Variants in ZNFX1 observed in about 807,000 individuals in gnomAD.
ZNFX1 encodes the protein zinc finger NFX1-type containing 1.
Under a neutral mutation model 179.8 loss-of-function variants are expected in ZNFX1, and 78 were observed. The ratio of observed to expected loss-of-function variants is 0.43; its 90% CI spans 0.36 to 0.52. The LOEUF is 0.52. Among genes scored for constraint, ZNFX1 ranks in the 20% least tolerant of loss-of-function variants. ZNFX1 has a pLI of 0.00. For synonymous variants in ZNFX1, 848 were observed against 868.5 expected (o/e 0.98, Z 0.42); for missense variants, 1,927 against 2,386.6 (o/e 0.81, Z 4.01).
intron 3 of ZNFX1, 55 bp downstream of exon 3, chr20:49,269,887 T>A: frequency 6.6e-7 from 1 of 1,520,564 alleles, no homozygotes; most frequent in Admixed American, 2.2e-5. Flanking sequence ...GAAGGCTCCG[T>A]CCCTTGCTTA....
intron 4 of ZNFX1, among the ~76,000 whole-genome samples, chr20:49,265,546 A>G (rs1169949992): frequency 6.6e-6 from 1 of 152,184 alleles, no homozygotes; most frequent in Non-Finnish European, 1.5e-5. Flanking sequence ...ATAAAGATTT[A>G]TCTAGGTGAA....
At position 49,257,733 on chromosome 20, in the gene ZNFX1, G is replaced by C. The variant is rs187795919; in HGVS notation, c.2417-69C>G. 2,717 of 1,483,444 alleles carry C rather than the reference G, an allele frequency of 1.8e-3. 47 individuals carry two copies. In the African/African-American group the frequency reaches 0.038, roughly 20 times the overall value. The allele number at this position is 1,483,444 out of a possible 1,614,324, so 91.9% of individuals were successfully genotyped here. On this transcript the variant is annotated intron_variant, in intron 7 of 13. Transcript: ENST00000396105. Reference sequence around the variant, plus strand: ...TTTTTTTTTTTTGATATGGAATCTCGCTCTTTTGCCCAGGGTGGAGTGCGG... The same window carrying C: ...TTTTTTTTTTTTGATATGGAATCTCCCTCTTTTGCCCAGGGTGGAGTGCGG...
chr20:49,257,552 C>A lies in ZNFX1; in HGVS notation c.2529G>T (p.Val843=). The A allele has an allele frequency of 6.2e-7, 1 of 1,613,970 alleles. No individual in the cohort carries two copies. Among genetic ancestry groups the A allele is most frequent in the Non-Finnish European group, 8.5e-7 (1 of 1,180,002 alleles). The change falls in exon 8 of 14, where the codon GTG becomes GTT. Residue 843 remains valine, a synonymous_variant. Coordinates refer to ENST00000396105, the MANE Select transcript of ZNFX1 (RefSeq NM_021035.3). ...CCTTCTTCCGCCGCTGGGGCCTCAC[C>A]ACCTCTTCCTCCTCAATCACCCGGT... ...QADRVIEEEE[V]VRPQRRKKEE...
chr20:49,268,852 A>G (rs905511197), intron 3 of ZNFX1, among the ~76,000 whole-genome samples: 1 of 152,238 alleles, frequency 6.6e-6, no homozygotes, highest in African/African-American at 2.4e-5. Flanking sequence ...AAGTCAAAAA[A>G]TAACAGATGC....
At position 49,248,419 on chromosome 20, in the gene ZNFX1, T is replaced by TG. The variant is rs1980735944; in HGVS notation, c.4604dup (p.Cys1536MetfsTer7). 2 of 1,607,860 alleles carry TG rather than the reference T, an allele frequency of 1.2e-6. No homozygotes were observed. Among genetic ancestry groups the TG allele is most frequent in the African/African-American group, 2.7e-5 (2 of 74,564 alleles). ...GCAGCTTAGTACAAGGCACATAGCA[T>TG]GGGGGTCGGTTGCAGGGCTCAGAGC... On this transcript the variant is annotated frameshift_variant, in exon 14 of 14. Transcript: ENST00000396105. LOFTEE classifies it high-confidence loss of function. The surrounding 1 kb of genome is among the most constrained non-coding windows in gnomAD (Gnocchi z 4.6).
chr20:49,264,099 G>A (rs1399921152), intron 5 of ZNFX1, among the ~76,000 whole-genome samples: 3 of 152,198 alleles, frequency 2.0e-5, no homozygotes, highest in African/African-American at 7.2e-5. Flanking sequence ...GCGGGCGCCT[G>A]TAATCCCAGC....
Position 49,247,368 on chromosome 20 carries a change from T to C in ZNFX1, c.5656A>G (p.Ser1886Gly), listed in dbSNP as rs768507675. The C allele has an allele frequency of 6.2e-7, 1 of 1,614,196 alleles. No homozygotes were observed. The highest frequency in any genetic ancestry group is 8.5e-7 in the Non-Finnish European group (1 of 1,180,026). The change falls in exon 14 of 14, where the codon AGC becomes GGC. Residue 1886 changes from serine (S) to glycine (G), a missense_variant. Physicochemically the swap from Ser to Gly is moderately conservative, Grantham distance 56. Transcript: ENST00000396105. ...TCCATTTCAGAAGCAAGCTGGTTGC[T>C]TCTTTCCAGAGTATGATTTGTGCCA... ...IGGTNHTLER[S>G]NQLASEMDGA...
intron 13 of ZNFX1, among the ~76,000 whole-genome samples, chr20:49,251,319 T>C (rs1317525022): frequency 6.6e-6 from 1 of 152,092 alleles, no homozygotes; most frequent in African/African-American, 2.4e-5. Flanking sequence ...GTTTTTGTAT[T>C]TTAGTAGAGA....
Position 49,270,076 on chromosome 20 carries a change from T to C in ZNFX1, c.1736A>G (p.His579Arg). ...EFLRNVEGLR[H>R]PRINVLDPGQ... ...AGGATCTAAGACATTAATTCTGGGA[T>C]GTCTCAAACCCTCGACATTTCTTAG... Residue 579 changes from histidine (H) to arginine (R), a missense_variant, in exon 3 of 14, where the codon CAT becomes CGT. Coordinates refer to ENST00000396105, the MANE Select transcript of ZNFX1 (RefSeq NM_021035.3). This position sits in a 1 kb window ranked among gnomAD's most constrained non-coding sequence, Gnocchi z 4.6. 1 of 1,614,266 alleles carries C rather than the reference T, an allele frequency of 6.2e-7. No individual in the cohort carries two copies. The highest frequency in any genetic ancestry group is 8.5e-7 in the Non-Finnish European group (1 of 1,180,042).
intron 4 of ZNFX1, 115 bp from the exon 5 acceptor site, chr20:49,264,979 T>G (rs748768675): frequency 1.7e-5 from 24 of 1,427,586 alleles, no homozygotes; most frequent in African/African-American, 4.2e-5. Flanking sequence ...AAACTTGTGC[T>G]TAAAGGAAAT....
chr20:49,246,971 C>T lies in ZNFX1; in HGVS notation c.*296G>A, dbSNP rs529207042. ...GCAACCTCCGCCTCCTGGGTTTAAG[C>T]GATTCTTCTGCCTCAGCCTCCCAAG... On this transcript the variant is annotated 3_prime_UTR_variant, in exon 14 of 14. Transcript: ENST00000396105. The T allele has an allele frequency of 1.8e-5, 8 of 441,320 alleles. No individual in the cohort carries two copies. Among genetic ancestry groups the T allele is most frequent in the East Asian group, 1.2e-4 (2 of 17,076 alleles). The allele number at this position is 441,320 out of a possible 1,614,324, so 27.3% of individuals were successfully genotyped here.
chr20:49,260,484 G>C lies in ZNFX1; in HGVS notation c.2395C>G (p.Pro799Ala). The C allele has an allele frequency of 6.2e-7, 1 of 1,613,006 alleles. No homozygotes were observed. The highest frequency in any genetic ancestry group is 1.1e-5 in the South Asian group (1 of 90,860). Residue 799 changes from proline to alanine, a missense_variant, in exon 7 of 14, where the codon CCA becomes GCA. Pro to Ala is a conservative substitution (Grantham distance 27). Coordinates refer to ENST00000396105, the MANE Select transcript of ZNFX1 (RefSeq NM_021035.3). ...GVGSFTQSVS[P>A]AGPENTAQAE... ...TTACCTGTATTCTCAGGTCCTGCTGGAGAAACACTTTGCGTGAAAGAACCG... is the reference window on the plus strand; with the variant it reads ...TTACCTGTATTCTCAGGTCCTGCTGCAGAAACACTTTGCGTGAAAGAACCG...
intron 7 of ZNFX1, 61 bp downstream of exon 7, chr20:49,260,402 G>T: frequency 1.7e-6 from 2 of 1,153,212 alleles, no homozygotes; most frequent in Non-Finnish European, 2.5e-6. Context: ...AAGTCTCACT[G>T]TTCTGGTATT....
In ZNFX1 at chr20:49,249,378, G is replaced by A. The variant is rs1230577367; in HGVS notation, c.3646C>T (p.Arg1216Cys). ...GCTCGGGACAAGGCCACACAGATGC[G>A]GTTGGATATCTGCAGAAAACCCACC... ...GKVGFLQISN[R>C]ICVALSRAKK... is the part of the protein sequence containing the mutation. Residue 1216 changes from arginine to cysteine, a missense_variant, in exon 14 of 14, where the codon CGC becomes TGC. Coordinates refer to ENST00000396105, the MANE Select transcript of ZNFX1 (RefSeq NM_021035.3). 1 of 1,614,230 alleles carries A rather than the reference G, an allele frequency of 6.2e-7. No homozygotes were observed. The highest frequency in any genetic ancestry group is 1.3e-5 in the African/African-American group (1 of 75,068).
intron 6 of ZNFX1, among the ~76,000 whole-genome samples, chr20:49,262,331 G>A (rs1358410187): frequency 3.3e-5 from 5 of 151,200 alleles, no homozygotes; most frequent in Admixed American, 6.6e-5. Context: ...GCTTGAACCC[G>A]GGAGGCGGAG....
At chr20:49,265,287 T>A (rs1600993729) in intron 4 of ZNFX1, among the ~76,000 whole-genome samples, 1 of 152,382 alleles carries the variant, frequency 6.6e-6, no homozygotes, top group East Asian at 1.9e-4. Flanking sequence ...TACATATTTT[T>A]CACTCTGCAG....
In ZNFX1 at chr20:49,264,858, T is replaced by C. The variant is rs771584469; in HGVS notation, c.2009A>G (p.Tyr670Cys). The C allele has an allele frequency of 6.2e-7, 1 of 1,614,174 alleles. No individual in the cohort carries two copies. The highest frequency in any genetic ancestry group is 1.1e-5 in the South Asian group (1 of 91,086). The change falls in exon 5 of 14, where the codon TAC (tyrosine) becomes TGC (cysteine). Residue 670 changes from tyrosine to cysteine, a missense_variant. Tyr to Cys is a radical substitution (Grantham distance 194). Coordinates refer to ENST00000396105, the MANE Select transcript of ZNFX1 (RefSeq NM_021035.3). The stretch of plus-strand genomic sequence containing the variant: ...CACAATGCTGGTCTTCTGACAATTG[T>C]AGATGCCTGTGGAACAAAGTGGAGC... ...HALDQFLEGI[Y>C]NCQKTSIVRV...
At chr20:49,276,655 G>A (rs1406020191) in intron 1 of ZNFX1, among the ~76,000 whole-genome samples, 1 of 152,238 alleles carries the variant, frequency 6.6e-6, no homozygotes, top group South Asian at 2.1e-4. Flanking sequence ...TACACATGGT[G>A]TGGGCTGGGG....
chr20:49,246,757 T>C lies in ZNFX1; in HGVS notation c.*510A>G, dbSNP rs1980681543. The C allele has an allele frequency of 2.4e-6, 1 of 425,404 alleles. No individual in the cohort carries two copies. The highest frequency in any genetic ancestry group is 4.7e-6 in the Non-Finnish European group (1 of 214,310). The allele number at this position is 425,404 out of a possible 1,614,324, so 26.4% of individuals were successfully genotyped here. On this transcript the variant is annotated 3_prime_UTR_variant, in exon 14 of 14. Coordinates refer to ENST00000396105, the MANE Select transcript of ZNFX1 (RefSeq NM_021035.3). ...AGAGAAGGGGTGAGATTTGTTAACT[T>C]TGCTCTCAGTTCTGGAGATAAAGTG...
Sources: allele counts gnomAD v4.1 joint callset (sites outside exome capture counted in the v4.1 genomes callset), GRCh38; gene constraint gnomAD v4.1.1; non-coding constraint Gnocchi (gnomAD v3.1); transcripts MANE v1.5; gene names NCBI Gene and HGNC (gene_info 2026-07-23, HGNC 2026-07-21).